Variants in PARD6B observed in about 807,000 individuals in gnomAD.
The protein encoded by PARD6B is par-6 family cell polarity regulator beta.
A neutral mutation model predicts 10.5 loss-of-function variants in PARD6B; 4 were observed. That is an observed-to-expected ratio of 0.38 (90% CI 0.19 to 0.87). The LOEUF is 0.87. Ranked by LOEUF, PARD6B falls within the 40% of genes least tolerant of loss-of-function variation. PARD6B has a pLI of 0.41. For synonymous variants in PARD6B, 169 were observed against 170.4 expected (o/e 0.99, Z 0.07); for missense variants, 396 against 470.6 (o/e 0.84, Z 1.47).
At position 50,749,671 on chromosome 20, in the gene PARD6B, A is replaced by G; in HGVS notation, c.302A>G (p.Tyr101Cys). 3.2e-6 allele frequency: 5 copies of G among 1,587,044 alleles called. No individual in the cohort carries two copies. In the Middle Eastern group the frequency reaches 5.1e-4, roughly 162 times the overall value. ...IFIQKKEEADYSAFGTDTLIK... is the reference protein window; with the variant it reads ...IFIQKKEEADCSAFGTDTLIK... ...TATTTTTAAACAGAAGAAGCAGACT[A>G]CAGTGCCTTTGGTACAGACACGCTA... Residue 101 changes from tyrosine (Y) to cysteine (C), a missense_variant, in exon 3 of 3, where the codon TAC becomes TGC. Physicochemically the swap from Tyr to Cys is radical, Grantham distance 194. Coordinates refer to ENST00000371610, the MANE Select transcript of PARD6B (RefSeq NM_032521.3).
At chr20:50,742,274 C>T (rs372880512) in intron 2 of PARD6B, among the ~76,000 whole-genome samples, 1 of 151,994 alleles carries the variant, frequency 6.6e-6, no homozygotes, top group African/African-American at 2.4e-5. Flanking sequence ...AAACTCCTGA[C>T]CTCAAGTGAT....
chr20:50,731,999 A>C (rs1600812810), intron 1 of PARD6B, 147 bp downstream of exon 1: 13 of 494,126 alleles, frequency 2.6e-5, no homozygotes, highest in Non-Finnish European at 3.1e-5. Flanking sequence ...TGGGTAATAA[A>C]CTTGCCGAGG....
At chr20:50,731,982 G>C in intron 1 of PARD6B, 130 bp downstream of exon 1, 1 of 680,548 alleles carries the variant, frequency 1.5e-6, no homozygotes, top group Non-Finnish European at 2.1e-6. Flanking sequence ...GTGCGGTCGG[G>C]AGACTGTGGG....
At chr20:50,736,917 T>A (rs2087502558) in intron 1 of PARD6B, among the ~76,000 whole-genome samples, 1 of 152,092 alleles carries the variant, frequency 6.6e-6, no homozygotes, top group Non-Finnish European at 1.5e-5. Flanking sequence ...CTAGGCTGGT[T>A]TTGAACTCCT....
Position 50,749,662 on chromosome 20 carries a change from A to C in PARD6B, c.293A>C (p.Glu98Ala), listed in dbSNP as rs2087588508. The part of the protein sequence containing the change: ...LLRIFIQKKE[E>A]ADYSAFGTDT... ...ATTTTGTTTTATTTTTAAACAGAAG[A>C]AGCAGACTACAGTGCCTTTGGTACA... Residue 98 changes from glutamate (E) to alanine (A), a missense_variant, in exon 3 of 3, where the codon GAA becomes GCA. Coordinates refer to ENST00000371610, the MANE Select transcript of PARD6B (RefSeq NM_032521.3). 11 of 1,568,058 alleles carry C rather than the reference A, an allele frequency of 7.0e-6. No homozygotes were observed. The East Asian group carries it at 2.0e-4, about 29-fold the overall frequency.
In PARD6B at chr20:50,747,489, C is replaced by CTTTTTTTTTTTTTTTT. The variant is rs58629233; in HGVS notation, c.290-2162_290-2147dup. Among the ~76,000 whole-genome samples the CTTTTTTTTTTTTTTTT allele has an allele frequency of 7.0e-3, 235 of 33,354 alleles. 1 individual carries two copies. The highest frequency in any genetic ancestry group is 0.028 in the Middle Eastern group (1 of 36). The allele number at this position is 33,354 out of a possible 152,430, so 21.9% of individuals were successfully genotyped here. The stretch of plus-strand genomic sequence containing the variant: ...TTTCTTTTTCTTTTTTTCTTTCTTT[C>CTTTTTTTTTTTTTTTT]TTTTTTTTTTTTTTTTTTTTTTTGC... On this transcript the variant is annotated intron_variant, in intron 2 of 2. Coordinates refer to ENST00000371610, the MANE Select transcript of PARD6B (RefSeq NM_032521.3).
chr20:50,732,040 G>A (rs993257746), intron 1 of PARD6B, among the ~76,000 whole-genome samples, 188 bp downstream of exon 1: 32 of 152,240 alleles, frequency 2.1e-4, no homozygotes, highest in African/African-American at 7.5e-4. Context: ...GGGCGCTAGT[G>A]TCCGCCCCTG....
chr20:50,744,105 C>CTTTTTTTT (rs753435244), intron 2 of PARD6B, among the ~76,000 whole-genome samples: 6 of 77,808 alleles, frequency 7.7e-5, no homozygotes, highest in East Asian at 4.5e-4. Flanking sequence ...GAAGTAGCTT[C>CTTTTTTTT]TTTTTTTTTT....
Position 50,753,494 on chromosome 20 carries a change from A to G in PARD6B, c.*3006A>G. The G allele has an allele frequency of 1.0e-6, 1 of 969,748 alleles. No individual in the cohort carries two copies. The highest frequency in any genetic ancestry group is 1.2e-6 in the Non-Finnish European group (1 of 815,234). The allele number at this position is 969,748 out of a possible 1,614,324, so 60.1% of individuals were successfully genotyped here. ...TCTGTATCTTAAGTAAATTTATGAT[A>G]ATGTTCTCGAGCTATCAACAAAATA... On this transcript the variant is annotated 3_prime_UTR_variant, in exon 3 of 3. Transcript: ENST00000371610.
chr20:50,747,489 CTTTTTT>C (rs58629233), intron 2 of PARD6B, among the ~76,000 whole-genome samples: 2 of 33,354 alleles, frequency 6.0e-5, no homozygotes, highest in African/African-American at 2.5e-4. Flanking sequence ...TTCTTTCTTT[CTTTTTT>C]TTTTTTTTTT....
At position 50,744,378 on chromosome 20, in the gene PARD6B, TGCTGGGATTA is replaced by T. The variant is rs2087552598; in HGVS notation, c.290-5280_290-5271del. On this transcript the variant is annotated intron_variant, in intron 2 of 2. Coordinates refer to ENST00000371610, the MANE Select transcript of PARD6B (RefSeq NM_032521.3). ...ATCCGCCCACCTCGGCCTGCCAAAG[TGCTGGGATTA>T]CAAGTGTGACCCACTGCACTGCGCT... Among the ~76,000 whole-genome samples the T allele has an allele frequency of 3.0e-4, 45 of 152,234 alleles. 1 individual carries two copies. In the South Asian group the frequency reaches 8.5e-3, roughly 29 times the overall value.
chr20:50,735,765 T>C (rs1270708288), intron 1 of PARD6B, among the ~76,000 whole-genome samples: 1 of 151,932 alleles, frequency 6.6e-6, no homozygotes, highest in Non-Finnish European at 1.5e-5. Flanking sequence ...CAAGAGAAAA[T>C]ATTGAGCGAA....
rs2087593019 is a variant in PARD6B at position 50,750,187 on chromosome 20, T to G, written c.818T>G (p.Leu273Arg). 17 of 1,614,212 alleles carry G rather than the reference T, an allele frequency of 1.1e-5. No homozygotes were observed. The highest frequency in any genetic ancestry group is 1.4e-5 in the Non-Finnish European group (17 of 1,180,034). ...TCCGGTCAGTCTACTGATAACAGCC[T>G]TCTTGGCTACCCACAGCAGATTGAA... Reference protein sequence around the residue: ...GSSGQSTDNSLLGYPQQIEPS... With the variant: ...GSSGQSTDNSRLGYPQQIEPS... The change falls in exon 3 of 3, where the codon CTT becomes CGT. Residue 273 changes from leucine (L) to arginine (R), a missense_variant. Around this residue, in one of 2 missense-constraint regions of PARD6B, gnomAD observed 188 missense variants for 169.7 expected, o/e 1.11. Transcript: ENST00000371610.
intron 1 of PARD6B, among the ~76,000 whole-genome samples, chr20:50,734,047 A>G (rs764872964): frequency 1.3e-5 from 2 of 152,220 alleles, no homozygotes; most frequent in Non-Finnish European, 2.9e-5. Context: ...TTTTAAATAG[A>G]ATCATACACT....
In PARD6B at chr20:50,749,961, G is replaced by C; in HGVS notation, c.592G>C (p.Val198Leu). 1 of 1,614,194 alleles carries C rather than the reference G, an allele frequency of 6.2e-7. No homozygotes were observed. Among genetic ancestry groups the C allele is most frequent in the Non-Finnish European group, 8.5e-7 (1 of 1,180,040 alleles). ...KVPGIFISRL[V>L]PGGLAQSTGL... is the part of the protein sequence containing the mutation. ...TCCAGGGATCTTTATATCCAGGCTT[G>C]TCCCAGGAGGTCTGGCTCAAAGTAC... The change falls in exon 3 of 3, where the codon GTC becomes CTC. Residue 198 changes from valine to leucine, a missense_variant. Physicochemically the swap from Val to Leu is conservative, Grantham distance 32. Coordinates refer to ENST00000371610, the MANE Select transcript of PARD6B (RefSeq NM_032521.3).
At chr20:50,749,453 G>A (rs1279716798) in intron 2 of PARD6B, among the ~76,000 whole-genome samples, 1 of 152,086 alleles carries the variant, frequency 6.6e-6, no homozygotes, top group Non-Finnish European at 1.5e-5. Flanking sequence ...ATTTTGTGAT[G>A]TGTATTTGAG....
rs145740531 is a variant in PARD6B at position 50,733,644 on chromosome 20, G to T, written c.66+1792G>T. ...AGCAGAACTTTTCCTTTAGCGGTAT[G>T]GTGGCAGTAGAGGTTCCATGCCCAG... On this transcript the variant is annotated intron_variant, in intron 1 of 2. Coordinates refer to ENST00000371610, the MANE Select transcript of PARD6B (RefSeq NM_032521.3). Among the ~76,000 whole-genome samples the T allele has an allele frequency of 6.6e-5, 10 of 152,286 alleles. No individual in the cohort carries two copies. In the East Asian group the frequency reaches 1.2e-3, roughly 18 times the overall value.
At chr20:50,742,556 C>T (rs1177822302) in intron 2 of PARD6B, among the ~76,000 whole-genome samples, 1 of 149,470 alleles carries the variant, frequency 6.7e-6, no homozygotes, top group African/African-American at 2.5e-5. Context: ...AGTAGAGACA[C>T]GGTTTCACGA....
rs1300522083 is a variant in PARD6B at position 50,731,595 on chromosome 20, C to T, written c.-192C>T. The T allele has an allele frequency of 2.2e-6, 1 of 458,016 alleles. No individual in the cohort carries two copies. The highest frequency in any genetic ancestry group is 3.7e-5 in the East Asian group (1 of 27,114). 28.4% of individuals were successfully genotyped at this position (458,016 alleles called of 1,614,324 possible). A position where few individuals can be genotyped will look rare whatever the true frequency, so the allele number is the denominator to read the frequency against. ...CCGCGCCACCAGTCCGACCCTCGGT[C>T]CCGCCGTGTGAGCAGCTGGTGGAGT... On this transcript the variant is annotated 5_prime_UTR_variant, in exon 1 of 3. Transcript: ENST00000371610.
Sources: allele counts gnomAD v4.1 joint callset (sites outside exome capture counted in the v4.1 genomes callset), GRCh38; gene constraint gnomAD v4.1.1; regional missense constraint gnomAD v4.1.1; transcripts MANE v1.5; gene names NCBI Gene and HGNC (gene_info 2026-07-23, HGNC 2026-07-21).